Variants in PDZD2 observed in about 807,000 individuals in gnomAD.
PDZD2 encodes the protein PDZ domain containing 2, also known as PDZ domain-containing protein 2.
PDZD2 carries 90 observed loss-of-function variants against 220.7 expected under a neutral mutation model. That is an observed-to-expected ratio of 0.41 (90% confidence interval 0.34 to 0.49). PDZD2 has a LOEUF of 0.49. Ranked by LOEUF, PDZD2 falls within the 20% of genes least tolerant of loss-of-function variation. The pLI, the probability that PDZD2 is intolerant of heterozygous loss-of-function variation, is 0.28. For synonymous variants in PDZD2, 1,375 were observed against 1,450.5 expected (o/e 0.95, Z 1.18); for missense variants, 3,174 against 3,608.5 (o/e 0.88, Z 3.08).
chr5:31,749,086 TG>T (rs33985236), intron 1 of PDZD2, among the ~76,000 whole-genome samples: 42,558 of 150,950 alleles, frequency 0.28, 6,407 homozygotes, highest in East Asian at 0.49. Flanking sequence ...CTCTATTTCA[TG>T]GGGGGGGGCC....
intron 1 of PDZD2, among the ~76,000 whole-genome samples, chr5:31,653,196 T>G (rs1456736224): frequency 1.3e-5 from 2 of 152,142 alleles, no homozygotes; most frequent in Non-Finnish European, 2.9e-5. Flanking sequence ...TGGTTGAGGA[T>G]GCAAACTAGT....
intron 1 of PDZD2, among the ~76,000 whole-genome samples, chr5:31,672,511 C>G (rs1431037164): frequency 6.6e-6 from 1 of 152,228 alleles, no homozygotes; most frequent in Admixed American, 6.5e-5. Flanking sequence ...ACCTCCAGCC[C>G]AGGGCCTCCT....
chr5:31,788,060 A>G (rs1753480958), intron 1 of PDZD2, among the ~76,000 whole-genome samples: 1 of 152,146 alleles, frequency 6.6e-6, no homozygotes, highest in African/African-American at 2.4e-5. Context: ...AGAGTCAGCC[A>G]TGTAGGCAGA....
intron 2 of PDZD2, among the ~76,000 whole-genome samples, chr5:31,944,957 G>T (rs1359100258): frequency 6.6e-6 from 1 of 152,250 alleles, no homozygotes; most frequent in Non-Finnish European, 1.5e-5. Context: ...CATGTGTGCG[G>T]ACCAGATGCT....
intron 2 of PDZD2, among the ~76,000 whole-genome samples, chr5:31,902,697 T>TA (rs1409225057): frequency 4.0e-5 from 6 of 150,132 alleles, no homozygotes; most frequent in African/African-American, 1.5e-4. Flanking sequence ...CCGTCTCTAC[T>TA]AAAAAAAATA....
At chr5:32,104,183 G>A (rs956151870) in intron 24 of PDZD2, among the ~76,000 whole-genome samples, 4 of 151,946 alleles carry the variant, frequency 2.6e-5, no homozygotes, top group Admixed American at 6.6e-5. Flanking sequence ...TAAGGCAGGC[G>A]AATCACTTGA....
chr5:32,106,229 TA>T (rs2111745409), intron 24 of PDZD2: 1 of 153,866 alleles, frequency 6.5e-6, no homozygotes, highest in South Asian at 2.1e-4. Context: ...TAGATTCTCA[TA>T]AGGAACATGC....
Position 32,048,631 on chromosome 5 carries a change from G to C in PDZD2, c.1612G>C (p.Asp538His). 1.2e-6 allele frequency: 2 copies of C among 1,614,136 alleles called. No homozygotes were observed. The highest frequency in any genetic ancestry group is 2.2e-5 in the South Asian group (2 of 91,076). The change falls in exon 8 of 25, where the codon GAT (aspartate) becomes CAT (histidine). Residue 538 changes from aspartate (D) to histidine (H), a missense_variant. Asp to His is a moderately conservative substitution (Grantham distance 81). Transcript: ENST00000438447. Reference sequence around the variant, plus strand: ...GATCCGGATGTTGGAGGTCTCCCGAGATGGCCGGAAACACTCCCTCCCGCA... The same window carrying C: ...GATCCGGATGTTGGAGGTCTCCCGACATGGCCGGAAACACTCCCTCCCGCA... ...PRIRMLEVSR[D>H]GRKHSLPQLL...
In PDZD2 at chr5:31,735,339, G is replaced by A. The variant is rs188770806; in HGVS notation, c.-360-63550G>A. Among the ~76,000 whole-genome samples the A allele has an allele frequency of 5.8e-3, 876 of 152,292 alleles. 10 individuals are homozygous for A. The highest frequency in any genetic ancestry group is 6.4e-3 in the Non-Finnish European group (437 of 68,012). The stretch of plus-strand genomic sequence containing the variant: ...TTCGTGCTGTCACTGGGTCACTGCT[G>A]CCTCCTATTCTCCTGGTAGTTGGAT... On this transcript the variant is annotated intron_variant, in intron 1 of 24. Coordinates refer to ENST00000438447, the MANE Select transcript of PDZD2 (RefSeq NM_178140.4).
At position 31,877,309 on chromosome 5, in the gene PDZD2, G is replaced by A. The variant is rs575142343; in HGVS notation, c.476+77585G>A. 5.3e-5 allele frequency among the ~76,000 whole-genome samples: 8 copies of A among 152,012 alleles called. No homozygotes were observed. In the South Asian group the frequency reaches 8.3e-4, roughly 16 times the overall value. ...CGGCTTACTGCAACCTTGGTCTCTC[G>A]GGCTCAAGCGATTCTCCCACTTCAG... On this transcript the variant is annotated intron_variant, in intron 2 of 24. Coordinates refer to ENST00000438447, the MANE Select transcript of PDZD2 (RefSeq NM_178140.4).
chr5:31,797,053 G>A (rs1188647597), intron 1 of PDZD2, among the ~76,000 whole-genome samples: 2 of 144,602 alleles, frequency 1.4e-5, no homozygotes, highest in Non-Finnish European at 1.5e-5. Flanking sequence ...TCAGCCTCCC[G>A]AGTAGCTGGC....
intron 14 of PDZD2, among the ~76,000 whole-genome samples, chr5:32,068,982 A>C (rs1238798329): frequency 6.6e-6 from 1 of 152,118 alleles, no homozygotes; most frequent in African/African-American, 2.4e-5. Context: ...CTTAAAAAGA[A>C]TTAGGCCGGA....
chr5:31,791,920 G>C (rs998308866), intron 1 of PDZD2, among the ~76,000 whole-genome samples: 3 of 152,086 alleles, frequency 2.0e-5, no homozygotes, highest in Admixed American at 6.6e-5. Flanking sequence ...TGGTTGGACT[G>C]GTAAAAATCC....
chr5:32,088,487 C>G lies in PDZD2; in HGVS notation c.5039C>G (p.Ala1680Gly). ...AGCTCTCAGGAGCATGAAACTCATG[C>G]GGACATAAGCACTTCACAGAACCAC... ...EMSSQEHETHADISTSQNHRP... is the reference protein window; with the variant it reads ...EMSSQEHETHGDISTSQNHRP... The change falls in exon 20 of 25, where the codon GCG (alanine) becomes GGG (glycine). Residue 1680 changes from alanine to glycine, a missense_variant. Physicochemically the swap from Ala to Gly is moderately conservative, Grantham distance 60. Transcript: ENST00000438447. This position sits in a 1 kb window ranked among gnomAD's most constrained non-coding sequence, Gnocchi z 4.6. 6.2e-7 allele frequency: 1 copy of G among 1,614,066 alleles called. No homozygotes were observed. Among genetic ancestry groups the G allele is most frequent in the Non-Finnish European group, 8.5e-7 (1 of 1,179,994 alleles).
chr5:31,721,859 T>G (rs796458964), intron 1 of PDZD2, among the ~76,000 whole-genome samples: 1 of 152,268 alleles, frequency 6.6e-6, no homozygotes, highest in African/African-American at 2.4e-5. Flanking sequence ...TTTACAGAGC[T>G]GGTATATGGG....
At chr5:31,732,441 G>A (rs1395791634) in intron 1 of PDZD2, among the ~76,000 whole-genome samples, 3 of 152,162 alleles carry the variant, frequency 2.0e-5, no homozygotes, top group Non-Finnish European at 2.9e-5. Flanking sequence ...TGCAAAGACC[G>A]GCACAGGGAG....
intron 12 of PDZD2, among the ~76,000 whole-genome samples, chr5:32,058,612 T>G (rs1012432305): frequency 3.4e-4 from 50 of 146,954 alleles, no homozygotes; most frequent in Middle Eastern, 3.5e-3. Flanking sequence ...AGGCAGAGGT[T>G]GCAGTGAGCC....
At position 32,110,121 on chromosome 5, in the gene PDZD2, A is replaced by AAGTC. The variant is rs1414248551; in HGVS notation, c.*1988_*1991dup. ...TCTTGCCTAAATCAAAGACTATTTCAAGTCAACAACACTGAAAACTGCTTT... is the reference window on the plus strand; with the variant it reads ...TCTTGCCTAAATCAAAGACTATTTCAAGTCAGTCAACAACACTGAAAACTGCTTT... On this transcript the variant is annotated 3_prime_UTR_variant, in exon 25 of 25. Coordinates refer to ENST00000438447, the MANE Select transcript of PDZD2 (RefSeq NM_178140.4). 1.3e-5 allele frequency: 2 copies of AAGTC among 152,668 alleles called. No homozygotes were observed. Among genetic ancestry groups the AAGTC allele is most frequent in the African/African-American group, 2.4e-5 (1 of 41,454 alleles). The allele number at this position is 152,668 out of a possible 1,614,324, so 9.5% of individuals were successfully genotyped here.
At chr5:31,680,699 T>C (rs531203967) in intron 1 of PDZD2, among the ~76,000 whole-genome samples, 150 of 152,226 alleles carry the variant, frequency 9.9e-4, no homozygotes, top group African/African-American at 3.3e-3. Context: ...CTGCCAGCCT[T>C]CTCGTCAGGA....
Sources: gnomAD v4.1 joint callset for allele counts (sites outside exome capture counted in the v4.1 genomes callset) on GRCh38, gnomAD v4.1.1 for gene constraint, Gnocchi (gnomAD v3.1) non-coding constraint, MANE v1.5 for transcripts, NCBI Gene and HGNC (gene_info 2026-07-23, HGNC 2026-07-21) for gene names.